WDPCP: variants seen among roughly 807,000 people sequenced by gnomAD.
WDPCP encodes the protein WD repeat-containing and planar cell polarity effector protein fritz homolog.
Under a neutral mutation model 93.1 loss-of-function variants are expected in WDPCP, and 71 were observed. That is an observed-to-expected ratio of 0.76 (90% CI 0.63 to 0.93). The LOEUF is 0.93. Ranked by LOEUF, WDPCP falls within the 40% of genes least tolerant of loss-of-function variation. The pLI is 0.00. For missense variants in WDPCP, 844 were observed against 887.4 expected (o/e 0.95, Z 0.62); for synonymous variants, 315 against 315.0 (o/e 1.00, Z 0.00).
chr2:63,470,078 A>C (rs1295958557), intron 6 of WDPCP, among the ~76,000 whole-genome samples: 3 of 152,046 alleles, frequency 2.0e-5, no homozygotes, highest in Non-Finnish European at 2.9e-5. Context: ...TAGCTACTCC[A>C]TTCTGTCTCC....
Position 63,487,558 on chromosome 2 carries a change from C to A in WDPCP, c.161-64G>T, listed in dbSNP as rs942268669. On this transcript the variant is annotated intron_variant, in intron 2 of 17. Transcript: ENST00000272321. ...AAGTCCCAGAGAATAAGAAGCCAAG[C>A]CATACTATATTAGGGGAAGGATAGG... is the stretch of plus-strand genomic sequence containing the variant. The A allele has an allele frequency of 4.9e-6, 6 of 1,231,462 alleles. No homozygotes were observed. In the African/African-American group the frequency reaches 6.0e-5, roughly 12 times the overall value. 76.3% of individuals were successfully genotyped at this position (1,231,462 alleles called of 1,614,324 possible). A position where few individuals can be genotyped will look rare whatever the true frequency, so the allele number is the denominator to read the frequency against.
At chr2:63,401,706 G>A (rs547170288) in intron 10 of WDPCP, among the ~76,000 whole-genome samples, 5 of 152,318 alleles carry the variant, frequency 3.3e-5, no homozygotes, top group Middle Eastern at 6.8e-3. Flanking sequence ...TCAGGGGGCT[G>A]AAGCAGGAGA....
intron 1 of WDPCP, among the ~76,000 whole-genome samples, chr2:63,496,820 T>C (rs1052143097): frequency 1.3e-5 from 2 of 151,964 alleles, no homozygotes; most frequent in African/African-American, 4.8e-5. Context: ...CATATAAGGA[T>C]GGGGAAGCAG....
intron 14 of WDPCP, among the ~76,000 whole-genome samples, chr2:63,205,474 T>C (rs2104367967): frequency 6.6e-6 from 1 of 152,334 alleles, no homozygotes; most frequent in South Asian, 2.1e-4. Flanking sequence ...AATATCTTTC[T>C]ACTTTTTGGT....
At chr2:63,832,701 C>A (rs2104176539), upstream of WDPCP, among the ~76,000 whole-genome samples, 1 of 152,274 alleles carries the variant, frequency 6.6e-6, no homozygotes, top group African/African-American at 2.4e-5. Flanking sequence ...ATAAATATCT[C>A]ATTTGATAGT....
chr2:63,823,199 C>CA (rs535622796), intron 1 of WDPCP, among the ~76,000 whole-genome samples: 27,631 of 117,020 alleles, frequency 0.24, 2,890 homozygotes, highest in Middle Eastern at 0.32. Context: ...AAGTTTCACC[C>CA]AAAAAAAAAA....
At chr2:63,702,842 G>C (rs1433256484) in intron 2 of WDPCP, among the ~76,000 whole-genome samples, 1 of 151,604 alleles carries the variant, frequency 6.6e-6, no homozygotes, top group Non-Finnish European at 1.5e-5. Flanking sequence ...TTTAGCATTG[G>C]GTATATCTCC....
intron 13 of WDPCP, among the ~76,000 whole-genome samples, chr2:63,273,979 A>G (rs1682875666): frequency 6.6e-6 from 1 of 152,168 alleles, no homozygotes; most frequent in Non-Finnish European, 1.5e-5. Context: ...TTGGATTGAA[A>G]CTGCACTGCA....
chr2:63,427,029 C>A (rs1316658060), intron 9 of WDPCP, among the ~76,000 whole-genome samples: 1 of 152,188 alleles, frequency 6.6e-6, no homozygotes, highest in Non-Finnish European at 1.5e-5. Flanking sequence ...TTCGATTCAA[C>A]AAGATGATCT....
chr2:63,768,016 C>A (rs1274504930), intron 2 of WDPCP, among the ~76,000 whole-genome samples: 2 of 151,852 alleles, frequency 1.3e-5, no homozygotes, highest in East Asian at 1.9e-4. Context: ...CCAAAAAGAA[C>A]AAATTTAAAA....
At chr2:63,351,889 C>A (rs780879803) in intron 12 of WDPCP, among the ~76,000 whole-genome samples, 1 of 152,250 alleles carries the variant, frequency 6.6e-6, no homozygotes, top group Non-Finnish European at 1.5e-5. Context: ...CTCCCAACAA[C>A]AGTATATAAG....
intron 15 of WDPCP, among the ~76,000 whole-genome samples, chr2:63,169,974 C>T (rs956826246): frequency 6.6e-6 from 1 of 151,622 alleles, no homozygotes; most frequent in Non-Finnish European, 1.5e-5. Flanking sequence ...TCATTGAAGC[C>T]TTAATGTTTA....
chr2:63,638,330 T>C (rs111229084), intron 3 of WDPCP, among the ~76,000 whole-genome samples: 2 of 149,800 alleles, frequency 1.3e-5, no homozygotes, highest in East Asian at 3.9e-4. Context: ...CTCTCTCACA[T>C]ACACACACAC....
chr2:63,656,940 C>T (rs952952261), intron 2 of WDPCP, among the ~76,000 whole-genome samples: 14 of 152,062 alleles, frequency 9.2e-5, no homozygotes, highest in African/African-American at 3.4e-4. Flanking sequence ...GGGGAAATAA[C>T]CATGAGACTA....
chr2:63,209,768 T>C (rs538637848), intron 14 of WDPCP, among the ~76,000 whole-genome samples: 110 of 152,348 alleles, frequency 7.2e-4, no homozygotes, highest in African/African-American at 2.5e-3. Flanking sequence ...CACCCACTAA[T>C]TGGATACTGA....
intron 1 of WDPCP, among the ~76,000 whole-genome samples, chr2:63,552,117 T>C (rs1705716411): frequency 6.8e-6 from 1 of 145,992 alleles, no homozygotes. Context: ...CAATATTTTA[T>C]ATTCTATATT....
At chr2:63,622,214 C>T (rs908891082) in intron 3 of WDPCP, 8 of 1,604,426 alleles carry the variant, frequency 5.0e-6, no homozygotes, top group South Asian at 1.1e-5. Context: ...TCTTGGTGGC[C>T]GCCTTGCTGG....
chr2:63,549,247 C>CAAAAAAAAAAAAA (rs60864094), intron 1 of WDPCP, among the ~76,000 whole-genome samples: 1 of 87,666 alleles, frequency 1.1e-5, no homozygotes, highest in Non-Finnish European at 2.2e-5. Context: ...GAGACTGTCT[C>CAAAAAAAAAAAAA]AAAAAAAAAA....
intron 12 of WDPCP, chr2:63,368,857 T>C (rs985083305): frequency 1.1e-4 from 16 of 152,354 alleles, no homozygotes; most frequent in African/African-American, 3.4e-4. Context: ...TCATATTTTA[T>C]GTGTTATGGT....
Sources: allele counts gnomAD v4.1 joint callset (sites outside exome capture counted in the v4.1 genomes callset), GRCh38; gene constraint gnomAD v4.1.1; transcripts MANE v1.5; gene names NCBI Gene and HGNC (gene_info 2026-07-23, HGNC 2026-07-21).